UNC13C: variants seen among roughly 807,000 people sequenced by gnomAD.
The protein encoded by UNC13C is protein unc-13 homolog C.
A neutral mutation model predicts 245.4 loss-of-function variants in UNC13C; 174 were observed. The ratio of observed to expected loss-of-function variants is 0.71; its 90% CI spans 0.63 to 0.80. The LOEUF (loss-of-function observed/expected upper bound fraction) is 0.80, where lower values mean the gene tolerates loss of function less well. UNC13C is among the 30% of genes least tolerant of loss of function. The pLI is 0.00. For synonymous variants in UNC13C, 992 were observed against 895.1 expected (o/e 1.11, Z -1.93); for missense variants, 2,829 against 2,602.9 (o/e 1.09, Z -1.89).
intron 2 of UNC13C, among the ~76,000 whole-genome samples, chr15:54,142,229 G>C (rs962916884): frequency 9.2e-5 from 14 of 152,142 alleles, no homozygotes; most frequent in African/African-American, 3.4e-4. Flanking sequence ...GTGTCCATGA[G>C]TAGCTGGACC....
At chr15:54,038,164 C>T (rs1456588636) in intron 2 of UNC13C, among the ~76,000 whole-genome samples, 3 of 110,696 alleles carry the variant, frequency 2.7e-5, no homozygotes, top group African/African-American at 1.1e-4. Context: ...CTGTGTTGCA[C>T]AAGCTGGAGT....
the UNC13C span, among the ~76,000 whole-genome samples, chr15:53,936,632 G>A: frequency 5.3e-5 from 8 of 152,198 alleles, no homozygotes; most frequent in Admixed American, 5.2e-4. Context: ...CTGGCATCAG[G>A]TCTGTGCCCC....
At chr15:54,511,939 A>G (rs1412871921) in intron 24 of UNC13C, 109 bp downstream of exon 24, 2 of 728,514 alleles carry the variant, frequency 2.7e-6, no homozygotes, top group Non-Finnish European at 4.8e-6. Flanking sequence ...GTTAACTAAG[A>G]ACAGGAAATG....
chr15:54,061,141 A>T (rs1317719359), intron 2 of UNC13C, among the ~76,000 whole-genome samples: 1 of 152,004 alleles, frequency 6.6e-6, no homozygotes. Context: ...AAAGGAATCT[A>T]AATTTAAAAA....
At chr15:54,260,565 C>T (rs947771527) in intron 8 of UNC13C, among the ~76,000 whole-genome samples, 5 of 148,672 alleles carry the variant, frequency 3.4e-5, no homozygotes, top group African/African-American at 1.2e-4. Flanking sequence ...ATAATAAACA[C>T]ACATATATGT....
chr15:53,932,503 G>C, the UNC13C span, among the ~76,000 whole-genome samples: 1 of 152,118 alleles, frequency 6.6e-6, no homozygotes, highest in South Asian at 2.1e-4. Flanking sequence ...ACCTGAAAGT[G>C]TTAACAAGAA....
At chr15:53,905,247 C>G in the UNC13C span, among the ~76,000 whole-genome samples, 9 of 152,114 alleles carry the variant, frequency 5.9e-5, no homozygotes, top group Admixed American at 3.9e-4. Context: ...AGAGCTATCT[C>G]TACTCTCATG....
intron 14 of UNC13C, among the ~76,000 whole-genome samples, chr15:54,330,420 G>C (rs564946299): frequency 6.6e-6 from 1 of 152,090 alleles, no homozygotes; most frequent in Admixed American, 6.6e-5. Flanking sequence ...TATTCTTTTA[G>C]TAAGGAACAA....
At chr15:54,413,227 TTG>T (rs150295755) in intron 18 of UNC13C, among the ~76,000 whole-genome samples, 1 of 151,998 alleles carries the variant, frequency 6.6e-6, no homozygotes, top group African/African-American at 2.4e-5. Flanking sequence ...CTTTAGTTTT[TTG>T]TGTGTTTTAG....
chr15:54,119,736 A>G (rs550050707), intron 2 of UNC13C, among the ~76,000 whole-genome samples: 38 of 152,314 alleles, frequency 2.5e-4, no homozygotes, highest in African/African-American at 9.1e-4. Context: ...AAGTTCTTGA[A>G]GGAAATTAAA....
At chr15:54,518,442 A>G (rs933162589) in intron 24 of UNC13C, among the ~76,000 whole-genome samples, 2 of 152,176 alleles carry the variant, frequency 1.3e-5, no homozygotes, top group African/African-American at 4.8e-5. Flanking sequence ...AGAAAACTTA[A>G]GGAGAAAGGA....
intron 10 of UNC13C, among the ~76,000 whole-genome samples, chr15:54,277,672 T>G (rs753823704): frequency 6.6e-6 from 1 of 152,224 alleles, no homozygotes; most frequent in Non-Finnish European, 1.5e-5. Flanking sequence ...TTAAAATGGT[T>G]TAAGACATGC....
chr15:54,087,857 A>G (rs758245172), intron 2 of UNC13C, among the ~76,000 whole-genome samples: 1 of 152,234 alleles, frequency 6.6e-6, no homozygotes, highest in Non-Finnish European at 1.5e-5. Flanking sequence ...TGAGGAAATT[A>G]TCAATAATTT....
intron 10 of UNC13C, among the ~76,000 whole-genome samples, chr15:54,267,952 T>C (rs759062929): frequency 1.4e-4 from 22 of 151,984 alleles, no homozygotes; most frequent in Non-Finnish European, 2.5e-4. Context: ...TTCTTTCTTT[T>C]TTTTTAAATT....
chr15:54,501,220 C>A (rs1303218615), intron 22 of UNC13C, among the ~76,000 whole-genome samples: 1 of 152,060 alleles, frequency 6.6e-6, no homozygotes, highest in Non-Finnish European at 1.5e-5. Flanking sequence ...TACTTATAAT[C>A]GAAGAAATTA....
chr15:54,605,452 T>C (rs1415122671), intron 30 of UNC13C, among the ~76,000 whole-genome samples: 6 of 152,196 alleles, frequency 3.9e-5, no homozygotes, highest in African/African-American at 1.4e-4. Flanking sequence ...AAATACTCTT[T>C]TGTCTTGCTT....
chr15:54,378,003 G>T (rs1346778622), intron 17 of UNC13C, among the ~76,000 whole-genome samples: 1 of 151,844 alleles, frequency 6.6e-6, no homozygotes, highest in Admixed American at 6.6e-5. Flanking sequence ...ATACAGTATG[G>T]GATTTTTTTT....
At chr15:54,528,453 T>G (rs73421550) in intron 25 of UNC13C, among the ~76,000 whole-genome samples, 15,163 of 152,114 alleles carry the variant, frequency 0.1, 990 homozygotes, top group African/African-American at 0.17. Flanking sequence ...CCGAAAATCT[T>G]TAATTATTTA....
chr15:54,473,154 G>A (rs1385961742), intron 19 of UNC13C, among the ~76,000 whole-genome samples: 1 of 151,660 alleles, frequency 6.6e-6, no homozygotes, highest in Non-Finnish European at 1.5e-5. Context: ...TTAGGATAAT[G>A]GCCTAAATAT....
Sources: gnomAD v4.1 joint callset for allele counts (sites outside exome capture counted in the v4.1 genomes callset) on GRCh38, gnomAD v4.1.1 for gene constraint, MANE v1.5 for transcripts, NCBI Gene and HGNC (gene_info 2026-07-23, HGNC 2026-07-21) for gene names.